The following NELL2 variants were observed in gnomAD, a reference collection of about 807,000 sequenced individuals.
NELL2 encodes protein kinase C-binding protein NELL2.
A neutral mutation model predicts 109.6 loss-of-function variants in NELL2; 41 were observed. That is an observed-to-expected ratio of 0.37 (90% CI 0.29 to 0.49). NELL2 has a LOEUF of 0.49. NELL2 is among the 20% of genes least tolerant of loss of function. NELL2 has a pLI of 0.98. For missense variants in NELL2, 900 were observed against 1,008.3 expected, an observed-to-expected ratio of 0.89 and a Z score of 1.45; for synonymous variants, 355 against 344.7, an observed-to-expected ratio of 1.03 and a Z score of -0.33.
chr12:44,644,185 C>CAG (rs1946965205), intron 13 of NELL2, among the ~76,000 whole-genome samples: 5 of 151,892 alleles, frequency 3.3e-5, no homozygotes, highest in Admixed American at 3.3e-4. Flanking sequence ...GAAATTCAGG[C>CAG]CATTATGTAG....
chr12:44,770,211 A>G (rs1229094068), intron 9 of NELL2, among the ~76,000 whole-genome samples: 1 of 152,162 alleles, frequency 6.6e-6, no homozygotes, highest in African/African-American at 2.4e-5. Flanking sequence ...TCATTTCACT[A>G]CTTTGTATTT....
At chr12:44,569,882 C>T (rs1446112738) in intron 15 of NELL2, among the ~76,000 whole-genome samples, 1 of 152,060 alleles carries the variant, frequency 6.6e-6, no homozygotes, top group Non-Finnish European at 1.5e-5. Context: ...GGGAAATTAG[C>T]TACAATTTCC....
intron 2 of NELL2, among the ~76,000 whole-genome samples, chr12:44,855,879 C>A (rs1944669278): frequency 1.3e-5 from 2 of 152,160 alleles, no homozygotes; most frequent in South Asian, 4.1e-4. Context: ...ACAGAACTAC[C>A]ATTTTTTCCA....
rs140149856 is a variant in NELL2, at chr12:44,748,524, G to A, written c.994+26223C>T. Among the ~76,000 whole-genome samples, 61 of 152,230 alleles carry A rather than the reference G, an allele frequency of 4.0e-4. No individual in the cohort carries two copies. In the East Asian group the frequency reaches 0.012, roughly 29 times the overall value. On this transcript the variant is annotated intron_variant, in intron 9 of 19. Transcript: ENST00000429094. ...AACACTAATTATTATTCATGCAAAT[G>A]AATCAAAACTAAATAAATCAGAGTT...
intron 9 of NELL2, among the ~76,000 whole-genome samples, chr12:44,748,368 C>T (rs186496320): frequency 8.6e-4 from 130 of 152,036 alleles, no homozygotes; most frequent in African/African-American, 3.0e-3. Context: ...TTTTCTCTAC[C>T]CTTTAATCTT....
At position 44,596,293 on chromosome 12, in the gene NELL2, G is replaced by A. The variant is rs181634675; in HGVS notation, c.1663+10876C>T. 3.9e-5 allele frequency among the ~76,000 whole-genome samples: 6 copies of A among 152,294 alleles called. No homozygotes were observed. The East Asian group carries it at 1.2e-3, about 29-fold the overall frequency. ...GTTTACTGCTATTTCAGTCATTTTAGCATCCTATGGTGCAGTGGGAGGCCA... is the reference window on the plus strand; with the variant it reads ...GTTTACTGCTATTTCAGTCATTTTAACATCCTATGGTGCAGTGGGAGGCCA... On this transcript the variant is annotated intron_variant, in intron 15 of 19. Transcript: ENST00000429094.
chr12:44,525,969 G>A (rs1020544687), intron 16 of NELL2, among the ~76,000 whole-genome samples: 1 of 152,136 alleles, frequency 6.6e-6, no homozygotes, highest in Non-Finnish European at 1.5e-5. Flanking sequence ...AAGGCCCAAC[G>A]TCTAGAGCTA....
chr12:44,636,921 A>T (rs906753422), intron 13 of NELL2, among the ~76,000 whole-genome samples: 11 of 152,016 alleles, frequency 7.2e-5, no homozygotes, highest in Admixed American at 3.3e-4. Context: ...TTACTGCCTC[A>T]ATTTCAGACC....
intron 5 of NELL2, among the ~76,000 whole-genome samples, chr12:44,778,569 C>A (rs999282466): frequency 7.2e-5 from 11 of 152,134 alleles, no homozygotes; most frequent in Non-Finnish European, 1.5e-4. Context: ...ATGGGAAGGA[C>A]TGTCACGATT....
At chr12:44,683,270 G>A (rs1428467277) in intron 12 of NELL2, among the ~76,000 whole-genome samples, 1 of 151,954 alleles carries the variant, frequency 6.6e-6, no homozygotes, top group Non-Finnish European at 1.5e-5. Flanking sequence ...CATTGATTTT[G>A]TATCCTGAGA....
chr12:44,840,968 T>C (rs1944209710), intron 2 of NELL2, among the ~76,000 whole-genome samples: 1 of 152,244 alleles, frequency 6.6e-6, no homozygotes, highest in Non-Finnish European at 1.5e-5. Context: ...CTGTGGCAGA[T>C]AGACCCTTAT....
intron 13 of NELL2, among the ~76,000 whole-genome samples, chr12:44,618,930 G>A (rs1945938673): frequency 6.6e-6 from 1 of 152,148 alleles, no homozygotes; most frequent in Non-Finnish European, 1.5e-5. Context: ...TTTTATAAAT[G>A]AGAATACAGA....
At chr12:44,649,963 T>C (rs1490078178) in intron 13 of NELL2, among the ~76,000 whole-genome samples, 1 of 152,172 alleles carries the variant, frequency 6.6e-6, no homozygotes, top group Non-Finnish European at 1.5e-5. Context: ...GTAATACCAC[T>C]AATTACAATG....
intron 2 of NELL2, among the ~76,000 whole-genome samples, chr12:44,854,485 G>T (rs554098688): frequency 1.3e-5 from 2 of 152,188 alleles, no homozygotes; most frequent in East Asian, 3.9e-4. Context: ...GGGGTTACAA[G>T]AAAAAGAAAA....
At chr12:44,850,348 A>G (rs928024308) in intron 2 of NELL2, among the ~76,000 whole-genome samples, 1 of 152,162 alleles carries the variant, frequency 6.6e-6, no homozygotes, top group Non-Finnish European at 1.5e-5. Context: ...ATCTGTGTAA[A>G]TGAGATAGTG....
intron 14 of NELL2, 81 bp downstream of exon 14, chr12:44,610,767 A>G (rs1945589512): frequency 6.4e-7 from 1 of 1,572,674 alleles, no homozygotes; most frequent in Non-Finnish European, 8.7e-7. Flanking sequence ...TGTACATAAC[A>G]GTAATGATAA....
chr12:44,579,051 T>G (rs1034139665), intron 15 of NELL2, among the ~76,000 whole-genome samples: 1 of 152,200 alleles, frequency 6.6e-6, no homozygotes, highest in African/African-American at 2.4e-5. Flanking sequence ...TTTTGATATG[T>G]CCTTTTCATT....
intron 13 of NELL2, among the ~76,000 whole-genome samples, chr12:44,636,074 G>T (rs776648207): frequency 2.6e-5 from 4 of 152,034 alleles, no homozygotes; most frequent in Non-Finnish European, 5.9e-5. Context: ...CTCATGATTT[G>T]ACTCTCTGTT....
chr12:44,559,234 G>A (rs994154318), intron 15 of NELL2, among the ~76,000 whole-genome samples: 2 of 152,150 alleles, frequency 1.3e-5, no homozygotes, highest in Admixed American at 6.5e-5. Flanking sequence ...ATACTAAATT[G>A]TAAAGACCAT....
Sources: gnomAD v4.1 joint callset for allele counts (sites outside exome capture counted in the v4.1 genomes callset) on GRCh38, gnomAD v4.1.1 for gene constraint, MANE v1.5 for transcripts, NCBI Gene and HGNC (gene_info 2026-07-23, HGNC 2026-07-21) for gene names.